The following NCKAP5 variants were observed in gnomAD, a reference collection of about 807,000 sequenced individuals.
The protein encoded by NCKAP5 is nck-associated protein 5.
In NCKAP5, 92 loss-of-function variants were observed where a neutral mutation model predicts 167.0. The ratio of observed to expected loss-of-function variants is 0.55; its 90% CI spans 0.47 to 0.66. NCKAP5 has a LOEUF of 0.66. NCKAP5 is among the 30% of genes least tolerant of loss of function. The pLI, the probability that NCKAP5 is intolerant of heterozygous loss-of-function variation, is 0.00. For synonymous variants in NCKAP5, 891 were observed against 877.4 expected (o/e 1.02, Z -0.27); for missense variants, 2,378 against 2,315.0 (o/e 1.03, Z -0.56).
rs576030538 is a variant in NCKAP5 at position 133,276,040 on chromosome 2, T to A, written c.143+26997A>T. Among the ~76,000 whole-genome samples the A allele has an allele frequency of 1.6e-4, 24 of 152,128 alleles. No individual in the cohort carries two copies. In the South Asian group the frequency reaches 4.2e-3, roughly 26 times the overall value. ...CTGAGAGAGCAAGACCAACTCTTCC[T>A]CTTTTTGCTCCTCCTCCTCAGCCCA... On this transcript the variant is annotated intron_variant, in intron 4 of 19. Coordinates refer to ENST00000409261, the MANE Select transcript of NCKAP5 (RefSeq NM_207363.3).
At chr2:133,137,107 A>G (rs771347581) in intron 5 of NCKAP5, among the ~76,000 whole-genome samples, 1 of 152,172 alleles carries the variant, frequency 6.6e-6, no homozygotes, top group Non-Finnish European at 1.5e-5. Flanking sequence ...TATTACATCT[A>G]ATTGTAGCCT....
chr2:133,606,719 G>C, the NCKAP5 span, among the ~76,000 whole-genome samples: 1 of 112,342 alleles, frequency 8.9e-6, no homozygotes, highest in Non-Finnish European at 1.8e-5. Flanking sequence ...ATAAAAGCTG[G>C]TTGCAGAAAT....
intron 5 of NCKAP5, among the ~76,000 whole-genome samples, chr2:133,162,256 CAA>C (rs1228602838): frequency 6.6e-6 from 1 of 152,128 alleles, no homozygotes; most frequent in East Asian, 1.9e-4. Context: ...GTGGCATTTG[CAA>C]AGACTTTTTT....
rs775325390 is a variant in NCKAP5 at position 132,783,323 on chromosome 2, C to G, written c.3488G>C (p.Ser1163Thr). ...TTCATGTTTCCCTGGCACGGTGGAA[C>G]TTTTCCTGAGCAGCTGGGGAGACTT... is the stretch of plus-strand genomic sequence containing the variant. ...LMKSPQLLRKSSTVPGKHEKD... is the reference protein window; with the variant it reads ...LMKSPQLLRKTSTVPGKHEKD... The change falls in exon 14 of 20, where the codon AGT becomes ACT. Residue 1163 changes from serine to threonine, a missense_variant. This residue lies in a region of NCKAP5 where 1,325 missense variants were observed against 1,274.5 expected (regional missense o/e 1.04). Coordinates refer to ENST00000409261, the MANE Select transcript of NCKAP5 (RefSeq NM_207363.3). 6.2e-7 allele frequency: 1 copy of G among 1,613,860 alleles called. No homozygotes were observed. The highest frequency in any genetic ancestry group is 8.5e-7 in the Non-Finnish European group (1 of 1,179,862).
chr2:133,275,884 A>T (rs2089705696), intron 4 of NCKAP5, among the ~76,000 whole-genome samples: 1 of 151,994 alleles, frequency 6.6e-6, no homozygotes, highest in Non-Finnish European at 1.5e-5. Flanking sequence ...ACCAATAAAC[A>T]GTTGACCCTT....
chr2:132,954,727 T>C (rs2076290379), intron 8 of NCKAP5: 2 of 450,274 alleles, frequency 4.4e-6, no homozygotes, highest in South Asian at 3.2e-5. Flanking sequence ...ACTAGAAATA[T>C]ATATGCTGAA....
intron 6 of NCKAP5, among the ~76,000 whole-genome samples, chr2:133,030,652 G>C (rs988889992): frequency 1.3e-5 from 2 of 152,180 alleles, no homozygotes; most frequent in Non-Finnish European, 2.9e-5. Context: ...CTAAGTTATT[G>C]CAAATATTAT....
chr2:132,728,824 C>T lies in NCKAP5; in HGVS notation c.5572G>A (p.Gly1858Arg), dbSNP rs199719142. ...CTCCCCCGACCCCTCACCTGGGTCC[C>T]GGTGGCAGCAACTTCACTCCCCCAG... ...PDWGSEVAAT[G>R]TQDKAPRMCT... Residue 1858 changes from glycine to arginine, a missense_variant, in exon 18 of 20, where the codon GGG becomes AGG. Gly to Arg is a moderately radical substitution (Grantham distance 125). Coordinates refer to ENST00000409261, the MANE Select transcript of NCKAP5 (RefSeq NM_207363.3). 707 of 1,613,818 alleles carry T rather than the reference C, an allele frequency of 4.4e-4. 1 individual carries two copies. Among genetic ancestry groups the T allele is most frequent in the Non-Finnish European group, 5.6e-4 (661 of 1,179,804 alleles).
intron 3 of NCKAP5, among the ~76,000 whole-genome samples, chr2:133,395,749 G>A (rs1171979288): frequency 6.6e-6 from 1 of 152,052 alleles, no homozygotes; most frequent in Non-Finnish European, 1.5e-5. Context: ...GGGCTCAAGC[G>A]ATTCTCCTGC....
At chr2:133,012,806 C>T (rs991927872) in intron 6 of NCKAP5, among the ~76,000 whole-genome samples, 15 of 152,198 alleles carry the variant, frequency 9.9e-5, no homozygotes, top group African/African-American at 2.9e-4. Flanking sequence ...TCATTTACTG[C>T]CCCCTTTCCT....
chr2:133,062,109 C>T (rs1201081830), intron 6 of NCKAP5, among the ~76,000 whole-genome samples: 1 of 152,170 alleles, frequency 6.6e-6, no homozygotes, highest in Non-Finnish European at 1.5e-5. Context: ...AAGTGCTATC[C>T]ATAGCCCTAG....
At chr2:133,485,476 A>G (rs757993392) in intron 3 of NCKAP5, among the ~76,000 whole-genome samples, 154 of 152,314 alleles carry the variant, frequency 1.0e-3, no homozygotes, top group Non-Finnish European at 1.5e-3. Flanking sequence ...AGAACTATAT[A>G]TCTTCCAAGA....
chr2:132,868,948 C>A lies in NCKAP5; in HGVS notation c.675G>T (p.Leu225=). The change falls in exon 10 of 20, where the codon CTG becomes CTT. Residue 225 remains leucine (L), a synonymous_variant. Coordinates refer to ENST00000409261, the MANE Select transcript of NCKAP5 (RefSeq NM_207363.3). ...DEVANQVVQA[L]LTQKDLREEC... The stretch of plus-strand genomic sequence containing the variant: ...GAAAGTGACCTACCTTTTGAGTAAG[C>A]AGAGCTTGAACAACTTGGTTGGCTA... 1 of 1,546,324 alleles carries A rather than the reference C, an allele frequency of 6.5e-7. No homozygotes were observed. Among genetic ancestry groups the A allele is most frequent in the Admixed American group, 2.0e-5 (1 of 50,026 alleles).
At chr2:133,100,097 C>A (rs549096420) in intron 6 of NCKAP5, among the ~76,000 whole-genome samples, 2 of 152,300 alleles carry the variant, frequency 1.3e-5, no homozygotes, top group African/African-American at 4.8e-5. Flanking sequence ...CAAAAGTTAA[C>A]AGGGTAGATG....
At chr2:133,619,228 C>A in the NCKAP5 span, among the ~76,000 whole-genome samples, 1 of 147,660 alleles carries the variant, frequency 6.8e-6, no homozygotes, top group African/African-American at 2.5e-5. Flanking sequence ...GTGGGTGCAG[C>A]GCACCAGCAT....
intron 6 of NCKAP5, among the ~76,000 whole-genome samples, chr2:133,092,298 G>C (rs2081211779): frequency 6.6e-6 from 1 of 152,160 alleles, no homozygotes. Context: ...GGATACAGCA[G>C]AGGAAGATGG....
At chr2:133,176,752 T>C (rs2084477948) in intron 5 of NCKAP5, among the ~76,000 whole-genome samples, 1 of 152,182 alleles carries the variant, frequency 6.6e-6, no homozygotes, top group Non-Finnish European at 1.5e-5. Flanking sequence ...CATGAGTGTA[T>C]GTGAATGAAA....
intron 4 of NCKAP5, among the ~76,000 whole-genome samples, chr2:133,255,830 G>A (rs572503531): frequency 9.9e-5 from 15 of 152,134 alleles, no homozygotes; most frequent in Non-Finnish European, 2.2e-4. Flanking sequence ...ATCAGAATGG[G>A]TATACAAAGC....
intron 6 of NCKAP5, among the ~76,000 whole-genome samples, chr2:133,060,673 T>C (rs2079968628): frequency 6.6e-6 from 1 of 152,184 alleles, no homozygotes; most frequent in East Asian, 1.9e-4. Context: ...CAATTTTCCT[T>C]TCTTATGAGC....
Sources: allele counts gnomAD v4.1 joint callset (sites outside exome capture counted in the v4.1 genomes callset), GRCh38; gene constraint gnomAD v4.1.1; regional missense constraint gnomAD v4.1.1; transcripts MANE v1.5; gene names NCBI Gene and HGNC (gene_info 2026-07-23, HGNC 2026-07-21).